The following TRPM6 variants were observed in gnomAD, a reference collection of about 807,000 sequenced individuals.
TRPM6 encodes transient receptor potential cation channel subfamily M member 6.
In TRPM6, 111 loss-of-function variants were observed where a neutral mutation model predicts 247.6. That is an observed-to-expected ratio of 0.45 (90% confidence interval 0.38 to 0.52). The LOEUF (loss-of-function observed/expected upper bound fraction) is 0.52. Among genes scored for constraint, TRPM6 ranks in the 20% least tolerant of loss-of-function variants. The probability of loss-of-function intolerance (pLI) is 0.00; values close to 1 mark genes in which losing one functional copy is unlikely to be tolerated. For missense variants in TRPM6, 2,126 were observed against 2,421.5 expected (o/e 0.88, Z 2.56); for synonymous variants, 892 against 853.8 (o/e 1.04, Z -0.78).
intron 11 of TRPM6, among the ~76,000 whole-genome samples, chr9:74,815,375 A>C (rs183878603): frequency 3.0e-4 from 46 of 152,352 alleles, no homozygotes; most frequent in Non-Finnish European, 2.6e-4. Flanking sequence ...TGTAGGAAAA[A>C]ATAGTTTAAA....
In TRPM6 at chr9:74,812,427, C is replaced by T. The variant is rs1828764268; in HGVS notation, c.1315G>A (p.Ala439Thr). Residue 439 changes from alanine to threonine, a missense_variant, in exon 12 of 39, where the codon GCC becomes ACC. Physicochemically the swap from Ala to Thr is moderately conservative, Grantham distance 58 (BLOSUM62 0). This residue lies in a region of TRPM6 where 1,082 missense variants were observed against 1,307.9 expected (regional missense o/e 0.83). Coordinates refer to ENST00000360774, the MANE Select transcript of TRPM6 (RefSeq NM_017662.5). Reference protein sequence around the residue: ...LIYEQHWKPDALEQAMSDALV... With the variant: ...LIYEQHWKPDTLEQAMSDALV... Reference sequence around the variant, plus strand: ...GCATCTGACATTGCTTGTTCCAGGGCATCAGGCTTCAGAAAGCACAAATAA... The same window carrying T: ...GCATCTGACATTGCTTGTTCCAGGGTATCAGGCTTCAGAAAGCACAAATAA... The T allele has an allele frequency of 6.2e-7, 1 of 1,613,870 alleles. No individual in the cohort carries two copies. The highest frequency in any genetic ancestry group is 1.3e-5 in the African/African-American group (1 of 75,010).
chr9:74,779,876 T>G lies in TRPM6; in HGVS notation c.3209+2486A>C, dbSNP rs374572662. ...GTCAGGGGAAGACTAGTGTGATGCA[T>G]GATTTAAGAAGTGACGGCTGGGCGC... On this transcript the variant is annotated intron_variant, in intron 23 of 38. Transcript: ENST00000360774. 1.7e-4 allele frequency among the ~76,000 whole-genome samples: 26 copies of G among 152,284 alleles called. 1 individual carries two copies. In the South Asian group the frequency reaches 5.4e-3, roughly 32 times the overall value.
chr9:74,757,729 A>G (rs927841269), intron 27 of TRPM6, among the ~76,000 whole-genome samples: 11 of 152,140 alleles, frequency 7.2e-5, no homozygotes, highest in African/African-American at 1.4e-4. Context: ...CCTGGTCAAC[A>G]TGGTCAAACT....
chr9:74,758,584 C>T (rs1587475649), intron 27 of TRPM6, among the ~76,000 whole-genome samples: 1 of 152,134 alleles, frequency 6.6e-6, no homozygotes, highest in East Asian at 1.9e-4. Context: ...AGGCTAATAT[C>T]CATGAATGAT....
intron 5 of TRPM6, among the ~76,000 whole-genome samples, chr9:74,838,834 A>C (rs1829816371): frequency 6.6e-6 from 1 of 152,030 alleles, no homozygotes; most frequent in South Asian, 2.1e-4. Flanking sequence ...GTTAGGCCAG[A>C]CATGGTGGCT....
In TRPM6 at chr9:74,782,363, T is replaced by G. The variant is rs1386318348; in HGVS notation, c.3208A>C (p.Asn1070His). 6.2e-7 allele frequency: 1 copy of G among 1,607,524 alleles called. No homozygotes were observed. The highest frequency in any genetic ancestry group is 8.5e-7 in the Non-Finnish European group (1 of 1,174,254). ...TCATATTTAATTGAAATAACCTACT[T>G]GAAGAAAGCAATCAACAGGTTCACC... The part of the protein sequence containing the change: ...IMVNLLIAFF[N>H]NVYLDMESIS... The change falls in exon 23 of 39, where the codon AAC (asparagine) becomes CAC (histidine). Residue 1070 changes from asparagine (N) to histidine (H), a missense_variant and splice_region_variant. By Grantham distance (68) the Asn-to-His change is moderately conservative. Around this residue, in one of 3 missense-constraint regions of TRPM6, gnomAD observed 1,082 missense variants for 1,307.9 expected, o/e 0.83. Coordinates refer to ENST00000360774, the MANE Select transcript of TRPM6 (RefSeq NM_017662.5).
intron 30 of TRPM6, among the ~76,000 whole-genome samples, chr9:74,749,638 CA>C (rs754518767): frequency 9.2e-5 from 14 of 152,176 alleles, no homozygotes; most frequent in Non-Finnish European, 2.1e-4. Context: ...CTCAAATGCA[CA>C]AGTGGCCACA....
chr9:74,823,284 A>T (rs749993172), intron 7 of TRPM6, among the ~76,000 whole-genome samples: 5 of 152,210 alleles, frequency 3.3e-5, no homozygotes, highest in Non-Finnish European at 7.3e-5. Flanking sequence ...GCTTACTAGG[A>T]TGCCCAAAGA....
At position 74,724,407 on chromosome 9, in the gene TRPM6, C is replaced by A; in HGVS notation, c.*206G>T. ...CTTCGTGTGGAACTTGAGGATGGAGCTGCAAAGTGCCCTGGACAGAGGTCA... is the reference window on the plus strand; with the variant it reads ...CTTCGTGTGGAACTTGAGGATGGAGATGCAAAGTGCCCTGGACAGAGGTCA... On this transcript the variant is annotated 3_prime_UTR_variant, in exon 39 of 39. Coordinates refer to ENST00000360774, the MANE Select transcript of TRPM6 (RefSeq NM_017662.5). 1 of 641,338 alleles carries A rather than the reference C, an allele frequency of 1.6e-6. No homozygotes were observed. The allele number at this position is 641,338 out of a possible 1,614,324, so 39.7% of individuals were successfully genotyped here. A position where few individuals can be genotyped will look rare whatever the true frequency, so the allele number is the denominator to read the frequency against.
rs754310943 is a variant in TRPM6 at position 74,827,982 on chromosome 9, G to C, written c.670-33C>G. 23 of 1,608,274 alleles carry C rather than the reference G, an allele frequency of 1.4e-5. No individual in the cohort carries two copies. The African/African-American group carries it at 3.1e-4, about 22-fold the overall frequency. ...ACAGCAAGGACAAGGGAGGGTCAGAGCTCTAGATCCTTCCCCAGGCTCACC... is the reference window on the plus strand; with the variant it reads ...ACAGCAAGGACAAGGGAGGGTCAGACCTCTAGATCCTTCCCCAGGCTCACC... On this transcript the variant is annotated intron_variant, in intron 6 of 38. Transcript: ENST00000360774.
intron 30 of TRPM6, among the ~76,000 whole-genome samples, chr9:74,748,979 T>C (rs944069882): frequency 1.3e-5 from 2 of 152,160 alleles, no homozygotes; most frequent in Admixed American, 1.3e-4. Context: ...AGGTGTACCA[T>C]TTTTTATCTT....
intron 9 of TRPM6, among the ~76,000 whole-genome samples, chr9:74,818,300 T>C (rs1242833752): frequency 1.4e-5 from 2 of 141,950 alleles, no homozygotes; most frequent in African/African-American, 2.7e-5. Flanking sequence ...TTTCTTTTTT[T>C]TTTTTTTTTT....
intron 9 of TRPM6, among the ~76,000 whole-genome samples, chr9:74,819,467 C>T (rs1334777067): frequency 6.6e-6 from 1 of 152,154 alleles, no homozygotes; most frequent in Non-Finnish European, 1.5e-5. Flanking sequence ...TATGACTGCA[C>T]CACTGCATTC....
chr9:74,815,837 A>G (rs1044355661), intron 11 of TRPM6, among the ~76,000 whole-genome samples: 10 of 152,232 alleles, frequency 6.6e-5, no homozygotes, highest in Non-Finnish European at 1.0e-4. Context: ...ATTTTAAACA[A>G]TGTGCATGTA....
intron 18 of TRPM6, 79 bp downstream of exon 18, chr9:74,796,662 A>G (rs1222191145): frequency 4.1e-6 from 6 of 1,458,314 alleles, no homozygotes; most frequent in Non-Finnish European, 5.8e-6. Flanking sequence ...AGATGGCTAT[A>G]TAAGTAAACT....
At chr9:74,817,874 C>A (rs1828998101) in intron 9 of TRPM6, among the ~76,000 whole-genome samples, 1 of 152,208 alleles carries the variant, frequency 6.6e-6, no homozygotes, top group Non-Finnish European at 1.5e-5. Flanking sequence ...ATGCCACTAA[C>A]AAGCTAGTCC....
intron 12 of TRPM6, among the ~76,000 whole-genome samples, chr9:74,812,022 T>A (rs1479777282): frequency 6.6e-6 from 1 of 152,256 alleles, no homozygotes; most frequent in Non-Finnish European, 1.5e-5. Flanking sequence ...TAGGTCATGA[T>A]AAATGATTGC....
chr9:74,840,666 A>C (rs528045250), intron 4 of TRPM6, among the ~76,000 whole-genome samples: 2 of 152,180 alleles, frequency 1.3e-5, no homozygotes, highest in South Asian at 4.2e-4. Context: ...AATACAAAAA[A>C]ATTAGCCAGG....
chr9:74,813,672 A>G (rs997260257), intron 11 of TRPM6, among the ~76,000 whole-genome samples: 4 of 152,230 alleles, frequency 2.6e-5, no homozygotes, highest in African/African-American at 9.7e-5. Context: ...AGAGTTTTTT[A>G]TCCGCTACAC....
Sources: allele counts gnomAD v4.1 joint callset (sites outside exome capture counted in the v4.1 genomes callset), GRCh38; gene constraint gnomAD v4.1.1; regional missense constraint gnomAD v4.1.1; transcripts MANE v1.5; gene names NCBI Gene and HGNC (gene_info 2026-07-23, HGNC 2026-07-21).